ZNF491: variants seen among roughly 807,000 people sequenced by gnomAD.
ZNF491 encodes zinc finger protein 491.
A neutral mutation model predicts 34.7 loss-of-function variants in ZNF491; 22 were observed. The observed-to-expected ratio is 0.63, with a 90% CI of 0.45 to 0.90. The LOEUF (loss-of-function observed/expected upper bound fraction) is 0.90. Among genes scored for constraint, ZNF491 ranks in the 40% least tolerant of loss-of-function variants. The pLI is 0.00. For missense variants in ZNF491, 559 were observed against 531.7 expected (o/e 1.05, Z -0.51); for synonymous variants, 148 against 174.3 (o/e 0.85, Z 1.19).
Position 11,807,021 on chromosome 19 carries a change from A to T in ZNF491, c.1068A>T (p.Glu356Asp). Residue 356 changes from glutamate to aspartate, a missense_variant, in exon 3 of 3, where the codon GAA becomes GAT. By Grantham distance (45) the Glu-to-Asp change is conservative. Transcript: ENST00000323169. ...GRTHTGEKPYECKQCGKAFHC... is the reference protein window; with the variant it reads ...GRTHTGEKPYDCKQCGKAFHC... Reference sequence around the variant, plus strand: ...CTCACACTGGTGAGAAACCCTATGAATGTAAGCAATGTGGGAAAGCATTTC... The same window carrying T: ...CTCACACTGGTGAGAAACCCTATGATTGTAAGCAATGTGGGAAAGCATTTC... The T allele has an allele frequency of 6.2e-7, 1 of 1,611,456 alleles. No homozygotes were observed. Among genetic ancestry groups the T allele is most frequent in the East Asian group, 2.2e-5 (1 of 44,876 alleles).
At chr19:11,803,175 G>T (rs1975574256) in intron 1 of ZNF491, among the ~76,000 whole-genome samples, 1 of 151,958 alleles carries the variant, frequency 6.6e-6, no homozygotes, top group Non-Finnish European at 1.5e-5. Flanking sequence ...TAGAGATGGG[G>T]TTTTGCCACA....
chr19:11,804,446 A>C, intron 1 of ZNF491, 96 bp from the exon 2 acceptor site: 1 of 1,353,896 alleles, frequency 7.4e-7, no homozygotes, highest in Non-Finnish European at 9.6e-7. Context: ...AAATGTTTGG[A>C]GTCCACAGCA....
At position 11,804,613 on chromosome 19, in the gene ZNF491, G is replaced by A; in HGVS notation, c.-62G>A. ...AGTGGGCCTTGTTGAATCCTTTCCA[G>A]AAGATCTCTACAGAGATGTGATGCA... On this transcript the variant is annotated 5_prime_UTR_variant, in exon 2 of 3. Coordinates refer to ENST00000323169, the MANE Select transcript of ZNF491 (RefSeq NM_152356.4). 2.6e-6 allele frequency: 4 copies of A among 1,524,754 alleles called. No individual in the cohort carries two copies. The highest frequency in any genetic ancestry group is 3.5e-6 in the Non-Finnish European group (4 of 1,137,596). The allele number at this position is 1,524,754 out of a possible 1,614,324, so 94.5% of individuals were successfully genotyped here. A position where few individuals can be genotyped will look rare whatever the true frequency, so the allele number is the denominator to read the frequency against.
Position 11,807,409 on chromosome 19 carries a change from G to C in ZNF491, c.*142G>C. On this transcript the variant is annotated 3_prime_UTR_variant, in exon 3 of 3. Coordinates refer to ENST00000323169, the MANE Select transcript of ZNF491 (RefSeq NM_152356.4). ...GAAGGCAATAAAATGTAGAGATGGA[G>C]TTAGGTGATGCCACGCTGGGATTCA... The C allele has an allele frequency of 5.2e-6, 3 of 579,634 alleles. No homozygotes were observed. The allele number at this position is 579,634 out of a possible 1,614,324, so 35.9% of individuals were successfully genotyped here.
At position 11,807,284 on chromosome 19, in the gene ZNF491, T is replaced by A. The variant is rs746926767; in HGVS notation, c.*17T>A. The A allele has an allele frequency of 4.2e-5, 61 of 1,440,506 alleles. No individual in the cohort carries two copies. The highest frequency in any genetic ancestry group is 5.4e-5 in the Non-Finnish European group (58 of 1,077,060). The allele number at this position is 1,440,506 out of a possible 1,614,324, so 89.2% of individuals were successfully genotyped here. A position where few individuals can be genotyped will look rare whatever the true frequency, so the allele number is the denominator to read the frequency against. On this transcript the variant is annotated 3_prime_UTR_variant, in exon 3 of 3. Transcript: ENST00000323169. ...AATATATGAGAGAAATGCTATTTTTTAATTTTTATTTTAATAGAGACAGGG... is the reference window on the plus strand; with the variant it reads ...AATATATGAGAGAAATGCTATTTTTAAATTTTTATTTTAATAGAGACAGGG...
chr19:11,806,413 AC>A lies in ZNF491; in HGVS notation c.461del (p.Thr154MetfsTer103). 1 of 1,613,466 alleles carries A rather than the reference AC, an allele frequency of 6.2e-7. No individual in the cohort carries two copies. ...ATACCTTACCCATGAACGAACTCAC[AC>A]TGGAGAGAAACGATATGAATGTAAA... ...SLYLTHERTHTGEKRYECKQC... is the reference protein window; with the variant it reads ...SLYLTHERTHXGEKRYECKQC... On this transcript the variant is annotated frameshift_variant, in exon 3 of 3. Coordinates refer to ENST00000323169, the MANE Select transcript of ZNF491 (RefSeq NM_152356.4). LOFTEE classifies it high-confidence loss of function.
intron 1 of ZNF491, among the ~76,000 whole-genome samples, chr19:11,800,863 A>G (rs1001800161): frequency 1.3e-5 from 2 of 151,812 alleles, no homozygotes; most frequent in Non-Finnish European, 2.9e-5. Context: ...TCTCATCTCT[A>G]CTGAAAACAA....
In ZNF491 at chr19:11,807,513, A is replaced by G; in HGVS notation, c.*246A>G. On this transcript the variant is annotated 3_prime_UTR_variant, in exon 3 of 3. Transcript: ENST00000323169. ...TCACATTTTAGAGCCAGCCAAATTC[A>G]CATGGGCTGTGTGGCCCCCTGATTC... The G allele has an allele frequency of 2.6e-6, 1 of 389,162 alleles. No homozygotes were observed. Among genetic ancestry groups the G allele is most frequent in the Non-Finnish European group, 4.8e-6 (1 of 210,342 alleles). 24.1% of individuals were successfully genotyped at this position (389,162 alleles called of 1,614,324 possible).
At chr19:11,800,547 C>T (rs1448186397) in intron 1 of ZNF491, among the ~76,000 whole-genome samples, 2 of 138,332 alleles carry the variant, frequency 1.4e-5, no homozygotes, top group South Asian at 2.3e-4. Flanking sequence ...GAGACAGTCT[C>T]ACTGTGTCTG....
rs1011031964 is a variant in ZNF491 at position 11,807,755 on chromosome 19, C to T, written c.*488C>T. ...GGGGAATGTTCTCTGATGCTCAACTCCCCTAGTCTGCAGATTGAGTTGGTA... is the reference window on the plus strand; with the variant it reads ...GGGGAATGTTCTCTGATGCTCAACTTCCCTAGTCTGCAGATTGAGTTGGTA... On this transcript the variant is annotated 3_prime_UTR_variant, in exon 3 of 3. Transcript: ENST00000323169. The T allele has an allele frequency of 1.1e-4, 18 of 167,982 alleles. No homozygotes were observed. Among genetic ancestry groups the T allele is most frequent in the Non-Finnish European group, 2.2e-4 (15 of 68,848 alleles). The allele number at this position is 167,982 out of a possible 1,614,324, so 10.4% of individuals were successfully genotyped here.
intron 1 of ZNF491, among the ~76,000 whole-genome samples, chr19:11,799,476 G>GC (rs1457197114): frequency 2.6e-5 from 3 of 116,812 alleles, no homozygotes; most frequent in African/African-American, 1.1e-4. Flanking sequence ...AGTTTGGCCC[G>GC]CCCCCCTCCC....
Position 11,808,315 on chromosome 19 carries a change from G to GTCCA in ZNF491, c.*1048_*1049insTCCA, listed in dbSNP as rs1975641105. On this transcript the variant is annotated 3_prime_UTR_variant, in exon 3 of 3. Transcript: ENST00000323169. ...GAGAATCTCCTGAACCTGGGAGGTG[G>GTCCA]AGGTTGCAGTGAGCCAAGATCACGC... Among the ~76,000 whole-genome samples, 1 of 151,620 alleles carries GTCCA rather than the reference G, an allele frequency of 6.6e-6. No individual in the cohort carries two copies. The highest frequency in any genetic ancestry group is 1.5e-5 in the Non-Finnish European group (1 of 67,970).
chr19:11,806,599 A>C lies in ZNF491; in HGVS notation c.646A>C (p.Lys216Gln). Reference protein sequence around the residue: ...ERTHTGEKPYKCKECGKAFNC... With the variant: ...ERTHTGEKPYQCKECGKAFNC... ...GACACACACAGGAGAGAAGCCGTAC[A>C]AATGTAAGGAATGTGGGAAAGCCTT... Residue 216 changes from lysine (K) to glutamine (Q), a missense_variant, in exon 3 of 3, where the codon AAA becomes CAA. By Grantham distance (53) the Lys-to-Gln change is moderately conservative. Transcript: ENST00000323169. 1 of 1,614,078 alleles carries C rather than the reference A, an allele frequency of 6.2e-7. No individual in the cohort carries two copies. Among genetic ancestry groups the C allele is most frequent in the Non-Finnish European group, 8.5e-7 (1 of 1,180,022 alleles).
intron 1 of ZNF491, among the ~76,000 whole-genome samples, chr19:11,802,914 G>C (rs776224536): frequency 5.3e-5 from 8 of 151,872 alleles, no homozygotes; most frequent in Non-Finnish European, 7.4e-5. Context: ...TGTACAGAGA[G>C]ACATTGGGGT....
At chr19:11,801,578 C>T (rs1975560020) in intron 1 of ZNF491, among the ~76,000 whole-genome samples, 1 of 152,178 alleles carries the variant, frequency 6.6e-6, no homozygotes, top group Non-Finnish European at 1.5e-5. Context: ...TTGCTTGAAC[C>T]TGGGAGGCGG....
At chr19:11,802,094 A>G (rs569074955) in intron 1 of ZNF491, among the ~76,000 whole-genome samples, 57 of 152,196 alleles carry the variant, frequency 3.7e-4, no homozygotes, top group Non-Finnish European at 6.8e-4. Context: ...TGTTGGGGTT[A>G]CAGGCATCAG....
In ZNF491 at chr19:11,806,006, T is replaced by C. The variant is rs1032225800; in HGVS notation, c.53T>C (p.Phe18Ser). The C allele has an allele frequency of 5.6e-6, 9 of 1,611,066 alleles. No homozygotes were observed. In the African/African-American group the frequency reaches 8.0e-5, roughly 14 times the overall value. Residue 18 changes from phenylalanine (F) to serine (S), a missense_variant, in exon 3 of 3, where the codon TTC becomes TCC. Physicochemically the swap from Phe to Ser is radical, Grantham distance 155 (BLOSUM62 -2). Transcript: ENST00000323169. ...SAEGSQCGET[F>S]TQVPEDMLNK... ...GAAGGTAGTCAGTGTGGAGAAACTT[T>C]CACCCAGGTTCCGGAAGACATGCTG... is the stretch of plus-strand genomic sequence containing the variant.
rs550928147 is a variant in ZNF491 at position 11,806,171 on chromosome 19, A to G, written c.218A>G (p.Lys73Arg). Residue 73 changes from lysine to arginine, a missense_variant, in exon 3 of 3, where the codon AAG becomes AGG. By Grantham distance (26) the Lys-to-Arg change is conservative. Transcript: ENST00000323169. ...CATAAGTGTCAGAAATTTTTAGAGA[A>G]GCCATATAAACATAAACAACGTAGG... ...QPHKCQKFLE[K>R]PYKHKQRRKA... The G allele has an allele frequency of 2.0e-5, 33 of 1,614,030 alleles. No individual in the cohort carries two copies. In the South Asian group the frequency reaches 3.3e-4, roughly 16 times the overall value.
At chr19:11,799,927 T>G (rs1459347062) in intron 1 of ZNF491, among the ~76,000 whole-genome samples, 2 of 143,390 alleles carry the variant, frequency 1.4e-5, no homozygotes, top group African/African-American at 5.6e-5. Context: ...CGAGACTCTG[T>G]TAAAAAAAAA....
Sources: gnomAD v4.1 joint callset for allele counts (sites outside exome capture counted in the v4.1 genomes callset) on GRCh38, gnomAD v4.1.1 for gene constraint, MANE v1.5 for transcripts, NCBI Gene and HGNC (gene_info 2026-07-23, HGNC 2026-07-21) for gene names.